Variants in ATP8B4 observed in about 807,000 individuals in gnomAD.
ATP8B4 encodes the protein ATPase phospholipid transporting 8B4 (putative), also known as probable phospholipid-transporting ATPase IM.
ATP8B4 carries 133 observed loss-of-function variants against 145.6 expected under a neutral mutation model. The observed-to-expected ratio is 0.91, with a 90% confidence interval of 0.79 to 1.05. The LOEUF (loss-of-function observed/expected upper bound fraction) is 1.05. ATP8B4 is among the 50% of genes least tolerant of loss of function. The probability of loss-of-function intolerance (pLI) is 0.00; values close to 1 mark genes in which losing one functional copy is unlikely to be tolerated. For synonymous variants in ATP8B4, 507 were observed against 492.9 expected (o/e 1.03, Z -0.38); for missense variants, 1,458 against 1,425.2 (o/e 1.02, Z -0.37).
intron 23 of ATP8B4, among the ~76,000 whole-genome samples, chr15:49,881,487 C>T (rs909922321): frequency 6.6e-6 from 1 of 152,198 alleles, no homozygotes; most frequent in African/African-American, 2.4e-5. Flanking sequence ...CAAGATACCA[C>T]AGCCTAGGTC....
At position 50,070,024 on chromosome 15, in the gene ATP8B4, T is replaced by TA. The variant is rs531425099; in HGVS notation, c.87+4102dup. On this transcript the variant is annotated intron_variant, in intron 3 of 27. Transcript: ENST00000284509. ...CATTTCCATATATTAAAAAAGGTAATAAAAAAGTAAGAAATAAGAGTATTT... is the reference window on the plus strand; with the variant it reads ...CATTTCCATATATTAAAAAAGGTAATAAAAAAAGTAAGAAATAAGAGTATTT... Among the ~76,000 whole-genome samples the TA allele has an allele frequency of 2.6e-4, 40 of 152,258 alleles. No individual in the cohort carries two copies. The East Asian group carries it at 6.6e-3, about 25-fold the overall frequency.
intron 20 of ATP8B4, 106 bp from the exon 21 acceptor site, chr15:49,901,345 G>GA: frequency 8.4e-7 from 1 of 1,191,224 alleles, no homozygotes; most frequent in Non-Finnish European, 1.2e-6. Flanking sequence ...CCACTATTCA[G>GA]AGAGAATATG....
chr15:49,872,028 C>G (rs2033741883), intron 25 of ATP8B4, among the ~76,000 whole-genome samples: 1 of 152,166 alleles, frequency 6.6e-6, no homozygotes, highest in South Asian at 2.1e-4. Context: ...CAAGCAGCAC[C>G]ACCTCTTTTA....
At chr15:50,070,882 C>T (rs1314113374) in intron 3 of ATP8B4, among the ~76,000 whole-genome samples, 6 of 151,998 alleles carry the variant, frequency 3.9e-5, no homozygotes, top group Non-Finnish European at 5.9e-5. Context: ...CTGGACTACA[C>T]ACGCCCCGCA....
chr15:49,994,600 T>C (rs1158902734), intron 9 of ATP8B4, among the ~76,000 whole-genome samples: 1 of 151,920 alleles, frequency 6.6e-6, no homozygotes, highest in African/African-American at 2.4e-5. Flanking sequence ...TTATCCAGTA[T>C]GCCAGACAGT....
intron 1 of ATP8B4, among the ~76,000 whole-genome samples, chr15:50,115,964 G>T (rs750357530): frequency 3.4e-4 from 51 of 152,156 alleles, no homozygotes; most frequent in Non-Finnish European, 7.1e-4. Context: ...CATTATCCTT[G>T]TTCCCTTTTG....
At chr15:50,126,475 A>T (rs1419114691) in intron 1 of ATP8B4, among the ~76,000 whole-genome samples, 1 of 152,216 alleles carries the variant, frequency 6.6e-6, no homozygotes, top group Non-Finnish European at 1.5e-5. Context: ...GACCTTGTGC[A>T]AGAAAGATTT....
chr15:50,043,041 T>C (rs2051425684), intron 5 of ATP8B4, among the ~76,000 whole-genome samples: 1 of 152,220 alleles, frequency 6.6e-6, no homozygotes, highest in African/African-American at 2.4e-5. Flanking sequence ...CTACTATATA[T>C]GCTGTCTACA....
intron 6 of ATP8B4, among the ~76,000 whole-genome samples, chr15:50,033,632 G>A (rs1194228292): frequency 2.0e-5 from 3 of 152,150 alleles, no homozygotes; most frequent in Non-Finnish European, 2.9e-5. Flanking sequence ...GTGATGCTGA[G>A]GTTTGGGATA....
chr15:50,017,602 G>T (rs1472694238), intron 6 of ATP8B4, among the ~76,000 whole-genome samples: 1 of 152,160 alleles, frequency 6.6e-6, no homozygotes, highest in African/African-American at 2.4e-5. Context: ...TCTAGTGATA[G>T]TCTCAATCAA....
At chr15:50,126,254 A>AAC (rs2057306749) in intron 1 of ATP8B4, among the ~76,000 whole-genome samples, 1 of 151,910 alleles carries the variant, frequency 6.6e-6, no homozygotes, top group East Asian at 1.9e-4. Flanking sequence ...AAAAAAAAAA[A>AAC]AACACTTCAC....
At chr15:50,094,414 C>A (rs916096015) in intron 2 of ATP8B4, among the ~76,000 whole-genome samples, 4 of 151,874 alleles carry the variant, frequency 2.6e-5, no homozygotes, top group Non-Finnish European at 5.9e-5. Flanking sequence ...TTGCCAACTG[C>A]AAATCAGGAC....
At chr15:49,946,625 T>C (rs959881532) in intron 14 of ATP8B4, among the ~76,000 whole-genome samples, 1 of 152,142 alleles carries the variant, frequency 6.6e-6, no homozygotes, top group Non-Finnish European at 1.5e-5. Flanking sequence ...TAAATCTCTC[T>C]GCCTGACTCT....
chr15:49,916,427 TGAAA>T (rs773563601), intron 20 of ATP8B4, among the ~76,000 whole-genome samples: 4 of 152,194 alleles, frequency 2.6e-5, no homozygotes, highest in Non-Finnish European at 5.9e-5. Flanking sequence ...TCTTTAATGC[TGAAA>T]GACTCTATTC....
At chr15:50,024,541 G>A (rs1434179509) in intron 6 of ATP8B4, among the ~76,000 whole-genome samples, 1 of 152,164 alleles carries the variant, frequency 6.6e-6, no homozygotes, top group Non-Finnish European at 1.5e-5. Context: ...CTGGAAAGGG[G>A]CAAGGTAACA....
intron 1 of ATP8B4, among the ~76,000 whole-genome samples, chr15:50,157,640 C>T (rs34857377): frequency 0.23 from 34,845 of 151,872 alleles, 4,566 homozygotes; most frequent in Non-Finnish European, 0.3. Flanking sequence ...TTTTTCTATA[C>T]CTGTGAAGAA....
At chr15:50,161,168 T>C (rs1194852840) in intron 1 of ATP8B4, among the ~76,000 whole-genome samples, 2 of 152,136 alleles carry the variant, frequency 1.3e-5, no homozygotes, top group Non-Finnish European at 2.9e-5. Flanking sequence ...ATCTATTTTG[T>C]CCAATATAAG....
chr15:49,998,440 C>A (rs374520217), intron 8 of ATP8B4, among the ~76,000 whole-genome samples: 18 of 152,086 alleles, frequency 1.2e-4, no homozygotes, highest in Non-Finnish European at 2.5e-4. Flanking sequence ...TTCTAACTGG[C>A]GTGAGACGGT....
intron 2 of ATP8B4, among the ~76,000 whole-genome samples, chr15:50,078,490 A>C (rs2054332809): frequency 6.6e-6 from 1 of 152,146 alleles, no homozygotes; most frequent in African/African-American, 2.4e-5. Flanking sequence ...AGACGAAAGA[A>C]CAGATTGGAT....
Sources: allele counts gnomAD v4.1 joint callset (sites outside exome capture counted in the v4.1 genomes callset), GRCh38; gene constraint gnomAD v4.1.1; transcripts MANE v1.5; gene names NCBI Gene and HGNC (gene_info 2026-07-23, HGNC 2026-07-21).